Variants in SPAG16 observed in about 807,000 individuals in gnomAD.
SPAG16 encodes sperm associated antigen 16, also known as sperm-associated antigen 16 protein.
SPAG16 carries 86 observed loss-of-function variants against 80.4 expected under a neutral mutation model. The observed-to-expected ratio is 1.07, with a 90% CI of 0.90 to 1.28. The LOEUF (loss-of-function observed/expected upper bound fraction) is 1.28. Ranked by LOEUF, SPAG16 falls within the 50% of genes most tolerant of loss-of-function variation. The pLI, the probability that SPAG16 is intolerant of heterozygous loss-of-function variation, is 0.00. For missense variants in SPAG16, 870 were observed against 765.3 expected (o/e 1.14, Z -1.61); for synonymous variants, 294 against 265.9 (o/e 1.11, Z -1.03).
chr2:214,023,831 G>C (rs1203765275), intron 13 of SPAG16, among the ~76,000 whole-genome samples: 1 of 151,454 alleles, frequency 6.6e-6, no homozygotes, highest in Non-Finnish European at 1.5e-5. Flanking sequence ...GGGAAGACTA[G>C]ATTTTTGTAT....
chr2:213,641,602 A>C (rs2062590689), intron 10 of SPAG16, among the ~76,000 whole-genome samples: 1 of 152,182 alleles, frequency 6.6e-6, no homozygotes, highest in African/African-American at 2.4e-5. Context: ...GGTTCCCTGA[A>C]GATTGGGCAT....
At chr2:213,723,106 C>T (rs2066601491) in intron 10 of SPAG16, among the ~76,000 whole-genome samples, 3 of 152,118 alleles carry the variant, frequency 2.0e-5, no homozygotes, top group African/African-American at 7.2e-5. Context: ...GCCTTTCCTC[C>T]AGCCCGGATT....
At chr2:213,696,153 C>G (rs1176726333) in intron 10 of SPAG16, among the ~76,000 whole-genome samples, 1 of 152,020 alleles carries the variant, frequency 6.6e-6, no homozygotes, top group Admixed American at 6.6e-5. Context: ...AGAATAACTC[C>G]TAGTGTTTTT....
chr2:213,470,099 A>G (rs2072995410), intron 9 of SPAG16, among the ~76,000 whole-genome samples: 1 of 152,198 alleles, frequency 6.6e-6, no homozygotes, highest in Admixed American at 6.5e-5. Flanking sequence ...TGGGAGAAAC[A>G]GTACCATATA....
chr2:213,998,701 C>A (rs1320548548), intron 12 of SPAG16, among the ~76,000 whole-genome samples: 2 of 152,152 alleles, frequency 1.3e-5, no homozygotes, highest in Admixed American at 6.5e-5. Context: ...AAGTTTGGAA[C>A]TTTCTATAGA....
intron 15 of SPAG16, among the ~76,000 whole-genome samples, chr2:214,218,024 A>G (rs928793964): frequency 6.6e-6 from 1 of 152,238 alleles, no homozygotes; most frequent in Admixed American, 6.5e-5. Context: ...TTCAATATGT[A>G]TAATAAACTC....
chr2:213,701,174 A>G (rs1229545332), intron 10 of SPAG16, among the ~76,000 whole-genome samples: 1 of 152,206 alleles, frequency 6.6e-6, no homozygotes, highest in Non-Finnish European at 1.5e-5. Context: ...CAAGAGGCAG[A>G]GGCTGCAGTG....
At chr2:213,577,113 T>C (rs943700801) in intron 10 of SPAG16, among the ~76,000 whole-genome samples, 2 of 152,168 alleles carry the variant, frequency 1.3e-5, no homozygotes, top group African/African-American at 4.8e-5. Flanking sequence ...TTTCTGTCTC[T>C]TGTATAAATA....
intron 10 of SPAG16, among the ~76,000 whole-genome samples, chr2:213,544,232 CAT>C (rs1043900949): frequency 9.9e-5 from 15 of 151,922 alleles, no homozygotes; most frequent in South Asian, 2.1e-4. Context: ...TTTTAAGTAA[CAT>C]ATATAATTTT....
Position 213,636,640 on chromosome 2 carries a change from T to C in SPAG16, c.1070+146550T>C, listed in dbSNP as rs2062375079. ...CATCTATGATTTCTTTCAGCAGTGT[T>C]TTGTAGTTCTCCTTGTACAGATCTT... On this transcript the variant is annotated intron_variant, in intron 10 of 15. Coordinates refer to ENST00000331683, the MANE Select transcript of SPAG16 (RefSeq NM_024532.5). 3.3e-5 allele frequency among the ~76,000 whole-genome samples: 5 copies of C among 152,196 alleles called. No homozygotes were observed. The South Asian group carries it at 1.0e-3, about 32-fold the overall frequency.
chr2:214,253,698 T>G (rs995468929), intron 15 of SPAG16, among the ~76,000 whole-genome samples: 13 of 152,294 alleles, frequency 8.5e-5, no homozygotes, highest in African/African-American at 2.9e-4. Flanking sequence ...GCTGTTTTGG[T>G]TGCTGTACAC....
At chr2:213,351,538 G>T (rs1356104051) in intron 7 of SPAG16, among the ~76,000 whole-genome samples, 2 of 152,054 alleles carry the variant, frequency 1.3e-5, no homozygotes, top group African/African-American at 4.8e-5. Flanking sequence ...TTAAGAAAAA[G>T]AAACAAAATG....
rs540618551 is a variant in SPAG16, at chr2:213,709,168, G to A, written c.1071-153317G>A. The stretch of plus-strand genomic sequence containing the variant: ...TTTAGTACATTATTTAATAACCATG[G>A]TAGTTCATGGCAATCCATGGCCCTC... On this transcript the variant is annotated intron_variant, in intron 10 of 15. Coordinates refer to ENST00000331683, the MANE Select transcript of SPAG16 (RefSeq NM_024532.5). Among the ~76,000 whole-genome samples, 17 of 152,282 alleles carry A rather than the reference G, an allele frequency of 1.1e-4. No individual in the cohort carries two copies. The South Asian group carries it at 3.5e-3, about 32-fold the overall frequency.
intron 15 of SPAG16, among the ~76,000 whole-genome samples, chr2:214,154,109 A>G (rs1287630998): frequency 6.6e-6 from 1 of 152,208 alleles, no homozygotes. Flanking sequence ...TCAAAATGCC[A>G]TATGTTTGAT....
intron 10 of SPAG16, among the ~76,000 whole-genome samples, chr2:213,737,510 C>T (rs1402463900): frequency 2.7e-5 from 3 of 111,246 alleles, no homozygotes; most frequent in South Asian, 2.7e-4. Context: ...TTTTTTGAGA[C>T]GGAGTCTCGC....
At chr2:214,011,072 A>C (rs1380657143) in intron 12 of SPAG16, among the ~76,000 whole-genome samples, 1 of 144,278 alleles carries the variant, frequency 6.9e-6, no homozygotes, top group Non-Finnish European at 1.5e-5. Flanking sequence ...TTTATTGTTA[A>C]ATTTCATATA....
intron 10 of SPAG16, among the ~76,000 whole-genome samples, chr2:213,767,088 G>T (rs1302245733): frequency 6.6e-6 from 1 of 152,140 alleles, no homozygotes; most frequent in Non-Finnish European, 1.5e-5. Flanking sequence ...TTCACTGATT[G>T]GATTACCATG....
At chr2:214,280,930 G>T in intron 15 of SPAG16, 3 of 437,240 alleles carry the variant, frequency 6.9e-6, no homozygotes, top group South Asian at 2.0e-5. Context: ...CTGATAATGT[G>T]CTTCCAGTGT....
chr2:213,761,849 G>C (rs1010078083), intron 10 of SPAG16, among the ~76,000 whole-genome samples: 1 of 151,548 alleles, frequency 6.6e-6, no homozygotes, highest in Non-Finnish European at 1.5e-5. Context: ...CTGGGTGACA[G>C]AGTGAGATTC....
Sources: gnomAD v4.1 joint callset for allele counts (sites outside exome capture counted in the v4.1 genomes callset) on GRCh38, gnomAD v4.1.1 for gene constraint, MANE v1.5 for transcripts, NCBI Gene and HGNC (gene_info 2026-07-23, HGNC 2026-07-21) for gene names.